The following ATAD5 variants were observed in gnomAD, a reference collection of about 807,000 sequenced individuals.
The protein encoded by ATAD5 is ATPase family AAA domain containing 5, also known as ATPase family AAA domain-containing protein 5.
ATAD5 carries 58 observed loss-of-function variants against 176.9 expected under a neutral mutation model. That is an observed-to-expected ratio of 0.33 (90% CI 0.27 to 0.41). The LOEUF is 0.41. Ranked by LOEUF, ATAD5 falls within the 10% of genes least tolerant of loss-of-function variation. The pLI is 1.00. For synonymous variants in ATAD5, 640 were observed against 712.6 expected, an observed-to-expected ratio of 0.90 and a Z score of 1.62; for missense variants, 1,789 against 2,094.1, an observed-to-expected ratio of 0.85 and a Z score of 2.84.
At chr17:30,858,059 G>A (rs1305774570) in intron 8 of ATAD5, 102 bp from the exon 9 acceptor site, 12 of 1,114,886 alleles carry the variant, frequency 1.1e-5, no homozygotes, top group African/African-American at 4.9e-5. Flanking sequence ...CTAATCTTAC[G>A]TTGATACTGA....
At chr17:30,888,562 C>G (rs1037670383) in intron 19 of ATAD5, among the ~76,000 whole-genome samples, 1 of 151,704 alleles carries the variant, frequency 6.6e-6, no homozygotes, top group Non-Finnish European at 1.5e-5. Flanking sequence ...TTTTTGCAGT[C>G]AATGTGAGTA....
intron 12 of ATAD5, 43 bp from the exon 13 acceptor site, chr17:30,869,205 C>T: frequency 6.4e-6 from 10 of 1,564,594 alleles, no homozygotes; most frequent in Non-Finnish European, 8.6e-6. Context: ...AGAATTGCTT[C>T]CTCAGCAATT....
chr17:30,850,931 C>A (rs1906923227), intron 6 of ATAD5, among the ~76,000 whole-genome samples: 1 of 110,604 alleles, frequency 9.0e-6, no homozygotes, highest in African/African-American at 3.5e-5. Context: ...GTCAGCCAGG[C>A]TGGAGTGCAG....
intron 18 of ATAD5, among the ~76,000 whole-genome samples, 172 bp from the exon 19 acceptor site, chr17:30,887,015 TTTTAA>T (rs1211614077): frequency 1.1e-4 from 16 of 152,228 alleles, no homozygotes; most frequent in Non-Finnish European, 1.8e-4. Context: ...ATGTAAATGC[TTTTAA>T]TTTAATGGTA....
At position 30,858,286 on chromosome 17, in the gene ATAD5, G is replaced by A; in HGVS notation, c.2919G>A (p.Glu973=). ...YFPLLLKKQI[E]HQVLSSECHS... Reference sequence around the variant, plus strand: ...CCTTACTCCTAAAAAAACAAATTGAGCACCAAGTACTTTCTTCCGAGTGTC... The same window carrying A: ...CCTTACTCCTAAAAAAACAAATTGAACACCAAGTACTTTCTTCCGAGTGTC... Residue 973 remains glutamate, a synonymous_variant, in exon 9 of 23, where the codon GAG becomes GAA. Transcript: ENST00000321990. The A allele has an allele frequency of 6.3e-7, 1 of 1,578,482 alleles. No homozygotes were observed. Among genetic ancestry groups the A allele is most frequent in the South Asian group, 1.2e-5 (1 of 83,918 alleles).
rs760995652 is a variant in ATAD5 at position 30,844,048 on chromosome 17, A to G, written c.2368+9A>G. On this transcript the variant is annotated intron_variant, in intron 5 of 22. Coordinates refer to ENST00000321990, the MANE Select transcript of ATAD5 (RefSeq NM_024857.5). ...CACTAAAAATGTACCTGGTAATCAG[A>G]GTTAATAATATTTATGATGTATATT... 2 of 1,523,002 alleles carry G rather than the reference A, an allele frequency of 1.3e-6. No homozygotes were observed. The highest frequency in any genetic ancestry group is 1.8e-6 in the Non-Finnish European group (2 of 1,136,592). The allele number at this position is 1,523,002 out of a possible 1,614,324, so 94.3% of individuals were successfully genotyped here.
intron 18 of ATAD5, among the ~76,000 whole-genome samples, chr17:30,886,372 TTTTATTTA>T (rs138195442): frequency 0.029 from 4,318 of 146,518 alleles, 207 homozygotes; most frequent in African/African-American, 0.097. Context: ...AATTGAATTA[TTTTATTTA>T]TTTATTTATT....
At position 30,876,373 on chromosome 17, in the gene ATAD5, G is replaced by GA; in HGVS notation, c.3613dup (p.Ile1205AsnfsTer5). The GA allele has an allele frequency of 6.4e-7, 1 of 1,568,954 alleles. No individual in the cohort carries two copies. Among genetic ancestry groups the GA allele is most frequent in the Non-Finnish European group, 8.6e-7 (1 of 1,162,830 alleles). On this transcript the variant is annotated frameshift_variant and splice_region_variant. Coordinates refer to ENST00000321990, the MANE Select transcript of ATAD5 (RefSeq NM_024857.5). LOFTEE classifies it high-confidence loss of function. Reference sequence around the variant, plus strand: ...TTTAAGTGCAATTTGTTTTTGGGCAGAAAAAATAAGCTCCCCTAAGAAAGT... The same window carrying GA: ...TTTAAGTGCAATTTGTTTTTGGGCAGAAAAAAATAAGCTCCCCTAAGAAAGT...
intron 18 of ATAD5, among the ~76,000 whole-genome samples, chr17:30,885,439 T>G (rs926287175): frequency 3.3e-5 from 5 of 152,140 alleles, no homozygotes; most frequent in African/African-American, 1.2e-4. Flanking sequence ...TTCTTTTTGT[T>G]GCCTTATTTC....
At chr17:30,834,034 A>C (rs369155480) in intron 1 of ATAD5, 114 bp from the exon 2 acceptor site, 12 of 933,418 alleles carry the variant, frequency 1.3e-5, no homozygotes, top group East Asian at 9.4e-5. Flanking sequence ...TTTTCACCTA[A>C]AGGAGGCTTC....
chr17:30,858,324 G>A lies in ATAD5; in HGVS notation c.2956+1G>A, dbSNP rs1907407711. On this transcript the variant is annotated splice_donor_variant, in intron 9 of 22. Coordinates refer to ENST00000321990, the MANE Select transcript of ATAD5 (RefSeq NM_024857.5). LOFTEE classifies it high-confidence loss of function. ...TCTTCCGAGTGTCATAGTAAACAAG[G>A]TTAGTGATAATTATTATCATTTATG... The A allele has an allele frequency of 6.8e-7, 1 of 1,474,962 alleles. No individual in the cohort carries two copies. Among genetic ancestry groups the A allele is most frequent in the Non-Finnish European group, 9.0e-7 (1 of 1,109,416 alleles). 91.4% of individuals were successfully genotyped at this position (1,474,962 alleles called of 1,614,324 possible). A position where few individuals can be genotyped will look rare whatever the true frequency, so the allele number is the denominator to read the frequency against.
chr17:30,892,461 G>A (rs1028498983), intron 19 of ATAD5, 146 bp from the exon 20 acceptor site: 42 of 347,304 alleles, frequency 1.2e-4, no homozygotes, highest in Middle Eastern at 8.3e-4. Flanking sequence ...TGCTTATATT[G>A]TACTCTTAAT....
chr17:30,849,031 C>T (rs868450386), intron 6 of ATAD5, among the ~76,000 whole-genome samples: 4 of 152,150 alleles, frequency 2.6e-5, no homozygotes, highest in Middle Eastern at 3.4e-3. Context: ...CCACCATGCT[C>T]GGCTAATTTT....
chr17:30,876,638 T>C, intron 15 of ATAD5, 88 bp downstream of exon 15: 1 of 735,502 alleles, frequency 1.4e-6, no homozygotes, highest in South Asian at 2.8e-5. Context: ...GAGTTCCTGT[T>C]GCTATTTATT....
intron 19 of ATAD5, among the ~76,000 whole-genome samples, chr17:30,891,620 G>A (rs996334253): frequency 2.6e-5 from 4 of 151,948 alleles, no homozygotes; most frequent in Non-Finnish European, 4.4e-5. Context: ...TGATCCACCC[G>A]CCTCGGCCTC....
At chr17:30,856,503 C>T (rs568959368) in intron 7 of ATAD5, among the ~76,000 whole-genome samples, 1 of 152,236 alleles carries the variant, frequency 6.6e-6, no homozygotes, top group Non-Finnish European at 1.5e-5. Flanking sequence ...GGCTGGAGTG[C>T]AGTGATGAGA....
intron 18 of ATAD5, among the ~76,000 whole-genome samples, chr17:30,885,871 C>T (rs552550751): frequency 3.9e-5 from 6 of 151,964 alleles, no homozygotes; most frequent in East Asian, 1.9e-4. Context: ...CCGCCTCGCC[C>T]TCTCAAAGTG....
At chr17:30,850,833 T>TTTTA (rs1158266099) in intron 6 of ATAD5, among the ~76,000 whole-genome samples, 29 of 27,836 alleles carry the variant, frequency 1.0e-3, no homozygotes, top group Admixed American at 1.5e-3. Context: ...TTATATATTT[T>TTTTA]TATATATATA....
At chr17:30,892,206 C>T (rs1228482354) in intron 19 of ATAD5, among the ~76,000 whole-genome samples, 1 of 151,544 alleles carries the variant, frequency 6.6e-6, no homozygotes, top group African/African-American at 2.4e-5. Flanking sequence ...GGGTGGATCA[C>T]TCGAGGTCAA....
Sources: gnomAD v4.1 joint callset for allele counts (sites outside exome capture counted in the v4.1 genomes callset) on GRCh38, gnomAD v4.1.1 for gene constraint, MANE v1.5 for transcripts, NCBI Gene and HGNC (gene_info 2026-07-23, HGNC 2026-07-21) for gene names.